Variants in GNAS observed in about 807,000 individuals in gnomAD.
GNAS encodes the protein protein ALEX.
GNAS carries 8 observed loss-of-function variants against 54.5 expected under a neutral mutation model. The observed-to-expected ratio is 0.15, with a 90% confidence interval of 0.09 to 0.26. The LOEUF (loss-of-function observed/expected upper bound fraction) is 0.26, where lower values mean the gene tolerates loss of function less well. GNAS is among the 10% of genes least tolerant of loss of function. The pLI, the probability that GNAS is intolerant of heterozygous loss-of-function variation, is 1.00. For missense variants in GNAS, 170 were observed against 529.8 expected (o/e 0.32, Z 6.67); for synonymous variants, 204 against 191.4 (o/e 1.07, Z -0.54).
chr20:58,874,892 T>C (rs1422716246), intron 1 of GNAS, among the ~76,000 whole-genome samples: 1 of 152,254 alleles, frequency 6.6e-6, no homozygotes, highest in East Asian at 1.9e-4. Context: ...GAAAAACACA[T>C]TTTAATTTCC....
chr20:58,891,504 A>G lies in GNAS; in HGVS notation c.-223A>G, dbSNP rs963712201. ...CTCGGCCTCGGCTCGAGGGGCGGGG[A>G]GCTGCGCGCGCCCCTCGGTCCGACC... On this transcript the variant is annotated 5_prime_UTR_variant, in exon 1 of 13. Transcript: ENST00000371085. 2 of 967,278 alleles carry G rather than the reference A, an allele frequency of 2.1e-6. No individual in the cohort carries two copies. The highest frequency in any genetic ancestry group is 2.4e-6 in the Non-Finnish European group (2 of 818,968). 59.9% of individuals were successfully genotyped at this position (967,278 alleles called of 1,614,324 possible).
At chr20:58,905,280 G>C in intron 5 of GNAS, 103 bp from the exon 6 acceptor site, 1 of 757,424 alleles carries the variant, frequency 1.3e-6, no homozygotes, top group Non-Finnish European at 2.4e-6. Flanking sequence ...ATCACACCAA[G>C]TGTCGGTCAC....
At position 58,893,553 on chromosome 20, in the gene GNAS, C is replaced by T. The variant is rs190563520; in HGVS notation, c.139+1688C>T. ...GGTGGCTTTTGGTTTGCTCTTTTTG[C>T]ATAGGTCATGACTTTGTTCTCCTGG... is the stretch of plus-strand genomic sequence containing the variant. On this transcript the variant is annotated intron_variant, in intron 1 of 12. Transcript: ENST00000371085. 1.1e-3 allele frequency among the ~76,000 whole-genome samples: 167 copies of T among 152,258 alleles called. 2 individuals are homozygous for T. Among genetic ancestry groups the T allele is most frequent in the Middle Eastern group, 3.4e-3 (1 of 294 alleles).
intron 3 of GNAS, chr20:58,900,435 T>TGTCTTCC (rs1359303382): frequency 1.0e-5 from 2 of 199,768 alleles, no homozygotes; most frequent in African/African-American, 4.6e-5. Context: ...GTCTGTCTTC[T>TGTCTTCC]GTCTTCCTTC....
intron 1 of GNAS, 22 bp downstream of exon 1, chr20:58,891,887 CG>C (rs750930028): frequency 8.9e-7 from 1 of 1,117,350 alleles, no homozygotes; most frequent in South Asian, 2.2e-5. Context: ...CGGGGGGCGC[CG>C]GCCCCGGCCC....
At chr20:58,895,230 A>G (rs1445223503) in intron 1 of GNAS, 4 of 344,590 alleles carry the variant, frequency 1.2e-5, no homozygotes, top group Non-Finnish European at 2.3e-5. Flanking sequence ...GTGAATGTTC[A>G]TGTATCAGGG....
At chr20:58,889,717 C>T (rs2088942420), upstream of GNAS, among the ~76,000 whole-genome samples, 3 of 151,240 alleles carry the variant, frequency 2.0e-5, no homozygotes, top group Admixed American at 1.3e-4. Context: ...GCCCAGCAGC[C>T]CGAAGCCCGG....
At chr20:58,848,782 T>C in intron 1 of GNAS, 1 of 397,658 alleles carries the variant, frequency 2.5e-6, no homozygotes. Context: ...CCTGTGGCCT[T>C]GCAGGTGCCA....
chr20:58,906,805 C>T (rs2091094463), intron 6 of GNAS, among the ~76,000 whole-genome samples: 1 of 152,206 alleles, frequency 6.6e-6, no homozygotes, highest in South Asian at 2.1e-4. Flanking sequence ...GCTGGGATTA[C>T]AGGCATGAGC....
Position 58,853,191 on chromosome 20 carries a change from T to G in GNAS, c.43+12305T>G. On this transcript the variant is annotated intron_variant, in intron 1 of 12. Transcript: ENST00000306090. This position sits in a 1 kb window ranked among gnomAD's most constrained non-coding sequence, Gnocchi z 4.4. Reference sequence around the variant, plus strand: ...TTTGATTTTAAAATAATAATAATAATTTTTTCACCCTAGTTCGGTTGGGTG... The same window carrying G: ...TTTGATTTTAAAATAATAATAATAAGTTTTTCACCCTAGTTCGGTTGGGTG... 1 of 1,452,806 alleles carries G rather than the reference T, an allele frequency of 6.9e-7. No homozygotes were observed. The highest frequency in any genetic ancestry group is 9.1e-7 in the Non-Finnish European group (1 of 1,101,672). 90.0% of individuals were successfully genotyped at this position (1,452,806 alleles called of 1,614,324 possible).
chr20:58,879,207 T>C (rs986626662), intron 1 of GNAS, among the ~76,000 whole-genome samples: 8 of 152,228 alleles, frequency 5.3e-5, no homozygotes, highest in African/African-American at 1.9e-4. Context: ...TTTAGACCAT[T>C]TACATTTTAC....
chr20:58,909,548 T>C lies in GNAS; in HGVS notation c.687T>C (p.Asp229=). 2 of 1,614,190 alleles carry C rather than the reference T, an allele frequency of 1.2e-6. No individual in the cohort carries two copies. The highest frequency in any genetic ancestry group is 1.7e-6 in the Non-Finnish European group (2 of 1,180,024). Residue 229 remains aspartate (D), a synonymous_variant, in exon 9 of 13, where the codon GAT becomes GAC. Transcript: ENST00000371085. This position sits in a 1 kb window ranked among gnomAD's most constrained non-coding sequence, Gnocchi z 7.3. ...TGTTTGACGTGGGTGGCCAGCGCGA[T>C]GAACGCCGCAAGTGGATCCAGTGCT... The part of the protein sequence containing the change: ...FHMFDVGGQR[D]ERRKWIQCFN...
At position 58,853,184 on chromosome 20, in the gene GNAS, A is replaced by G; in HGVS notation, c.43+12298A>G. ...CTGGTACTTTGATTTTAAAATAATA[A>G]TAATAATTTTTTCACCCTAGTTCGG... On this transcript the variant is annotated intron_variant, in intron 1 of 12. Transcript: ENST00000306090. This position sits in a 1 kb window ranked among gnomAD's most constrained non-coding sequence, Gnocchi z 4.4. 2 of 1,449,512 alleles carry G rather than the reference A, an allele frequency of 1.4e-6. No individual in the cohort carries two copies. Among genetic ancestry groups the G allele is most frequent in the Non-Finnish European group, 1.8e-6 (2 of 1,100,798 alleles). The allele number at this position is 1,449,512 out of a possible 1,614,324, so 89.8% of individuals were successfully genotyped here.
At chr20:58,860,632 A>T (rs1363826929) in intron 1 of GNAS, among the ~76,000 whole-genome samples, 2 of 152,004 alleles carry the variant, frequency 1.3e-5, no homozygotes, top group Non-Finnish European at 2.9e-5. Context: ...CTTAGAAATC[A>T]CCTTTGACTT....
intron 1 of GNAS, among the ~76,000 whole-genome samples, chr20:58,858,572 C>T (rs1236916756): frequency 1.3e-5 from 2 of 152,126 alleles, no homozygotes; most frequent in African/African-American, 4.8e-5. Context: ...TGATTTCCTC[C>T]TTAAGAACTG....
At chr20:58,894,525 GTAA>G (rs992845503) in intron 1 of GNAS, among the ~76,000 whole-genome samples, 19 of 152,180 alleles carry the variant, frequency 1.2e-4, no homozygotes, top group African/African-American at 4.6e-4. Context: ...AAAGAAAAAG[GTAA>G]TAACAGATTT....
In GNAS at chr20:58,863,195, T is replaced by G. The variant is rs2086870320; in HGVS notation, c.43+22309T>G. On this transcript the variant is annotated intron_variant, in intron 1 of 12. Coordinates refer to the GNAS transcript ENST00000306090. The surrounding 1 kb of genome is among the most constrained non-coding windows in gnomAD (Gnocchi z 4.1). ...AGAATCAGTGGAGCGCTTTTCTACA[T>G]GCAACAACTGGGAGCTATGCTATGG... Among the ~76,000 whole-genome samples the G allele has an allele frequency of 6.6e-6, 1 of 152,198 alleles. No homozygotes were observed.
intron 1 of GNAS, chr20:58,855,452 C>G: frequency 1.1e-6 from 1 of 938,016 alleles, no homozygotes; most frequent in Non-Finnish European, 1.7e-6. Context: ...CAGCCAAAGG[C>G]GGGAAGAACT....
intron 3 of GNAS, chr20:58,900,030 G>T: frequency 1.4e-6 from 1 of 712,418 alleles, no homozygotes; most frequent in Non-Finnish European, 2.6e-6. Context: ...GGAATTGCTC[G>T]GTCTTAGGAA....
Sources: gnomAD v4.1 joint callset for allele counts (sites outside exome capture counted in the v4.1 genomes callset) on GRCh38, gnomAD v4.1.1 for gene constraint, Gnocchi (gnomAD v3.1) non-coding constraint, MANE v1.5 for transcripts, NCBI Gene and HGNC (gene_info 2026-07-23, HGNC 2026-07-21) for gene names.